MLLT1: variants seen among roughly 807,000 people sequenced by gnomAD.
The protein encoded by MLLT1 is protein ENL.
In MLLT1, 11 loss-of-function variants were observed where a neutral mutation model predicts 55.1. That is an observed-to-expected ratio of 0.20 (90% CI 0.13 to 0.33). The LOEUF is 0.33. Among genes scored for constraint, MLLT1 ranks in the 10% least tolerant of loss-of-function variants. MLLT1 has a pLI of 1.00. For missense variants in MLLT1, 536 were observed against 760.6 expected, an observed-to-expected ratio of 0.70 and a Z score of 3.47; for synonymous variants, 323 against 320.1, an observed-to-expected ratio of 1.01 and a Z score of -0.10.
intron 2 of MLLT1, among the ~76,000 whole-genome samples, chr19:6,265,049 C>CAAAAACAA (rs1568296295): frequency 1.3e-4 from 3 of 23,300 alleles, no homozygotes; most frequent in Non-Finnish European, 2.3e-4. Context: ...AAAAAAAAAA[C>CAAAAACAA]AAAAAAACAA....
chr19:6,268,391 G>A (rs2144955350), intron 2 of MLLT1, among the ~76,000 whole-genome samples: 1 of 137,912 alleles, frequency 7.3e-6, no homozygotes, highest in East Asian at 1.9e-4. Flanking sequence ...AAAAAATCAA[G>A]AAATAAGAAG....
At chr19:6,264,890 G>GT (rs1306995256) in intron 2 of MLLT1, among the ~76,000 whole-genome samples, 5 of 60,250 alleles carry the variant, frequency 8.3e-5, no homozygotes, top group South Asian at 6.2e-4. Flanking sequence ...GCGAAACTCT[G>GT]TTAAAAAAAA....
At chr19:6,250,066 G>C (rs1004515457) in intron 3 of MLLT1, among the ~76,000 whole-genome samples, 2 of 151,792 alleles carry the variant, frequency 1.3e-5, no homozygotes, top group South Asian at 4.2e-4. Flanking sequence ...AACTCAAAAA[G>C]AAAAACAACC....
rs750631807 is a variant in MLLT1, at chr19:6,213,759, A to G, written c.1446T>C (p.Pro482=). The change falls in exon 10 of 12, where the codon CCT becomes CCC. Residue 482 remains proline (P), a synonymous_variant. Transcript: ENST00000252674. ...AGGTGCCCTTCTTGAGGATCTTCTCAGGCTTGCTGCAGGACTCGGGGCTCC... is the reference window on the plus strand; with the variant it reads ...AGGTGCCCTTCTTGAGGATCTTCTCGGGCTTGCTGCAGGACTCGGGGCTCC... ...GRRSPESCSK[P]EKILKKGTYD... 1 of 1,604,496 alleles carries G rather than the reference A, an allele frequency of 6.2e-7. No individual in the cohort carries two copies. Among genetic ancestry groups the G allele is most frequent in the Non-Finnish European group, 8.5e-7 (1 of 1,178,924 alleles).
At chr19:6,244,685 G>A (rs1433244788) in intron 3 of MLLT1, among the ~76,000 whole-genome samples, 1 of 152,118 alleles carries the variant, frequency 6.6e-6, no homozygotes, top group Admixed American at 6.5e-5. Flanking sequence ...ACCAAGTACA[G>A]GACTTGTATC....
intron 2 of MLLT1, among the ~76,000 whole-genome samples, chr19:6,266,479 CAG>C (rs1410516083): frequency 1.3e-5 from 2 of 152,050 alleles, no homozygotes; most frequent in African/African-American, 2.4e-5. Flanking sequence ...TTTTTTGAGA[CAG>C]AGTTTCTCTC....
At position 6,231,170 on chromosome 19, in the gene MLLT1, A is replaced by G. The variant is rs2091006174; in HGVS notation, c.277-457T>C. 6.6e-6 allele frequency among the ~76,000 whole-genome samples: 1 copy of G among 151,916 alleles called. No homozygotes were observed. The highest frequency in any genetic ancestry group is 1.5e-5 in the Non-Finnish European group (1 of 67,966). ...ACGCAGGACACAGGACACAGACTCA[A>G]ACGACAGCACAGCACCCAGAGGGGG... On this transcript the variant is annotated intron_variant, in intron 3 of 11. Transcript: ENST00000252674. The surrounding 1 kb of genome is among the most constrained non-coding windows in gnomAD (Gnocchi z 5.1).
Position 6,270,970 on chromosome 19 carries a change from T to C in MLLT1, c.13-211A>G, listed in dbSNP as rs1455970697. The stretch of plus-strand genomic sequence containing the variant: ...CCTCCGTACTCCCACACAGACCCCG[T>C]GTCTCCTCTCATCCACCGCCTCATC... On this transcript the variant is annotated intron_variant, in intron 1 of 11. Transcript: ENST00000252674. This position sits in a 1 kb window ranked among gnomAD's most constrained non-coding sequence, Gnocchi z 7.1. Among the ~76,000 whole-genome samples the C allele has an allele frequency of 1.3e-5, 2 of 152,016 alleles. No individual in the cohort carries two copies. The highest frequency in any genetic ancestry group is 2.9e-5 in the Non-Finnish European group (2 of 68,006).
At chr19:6,268,540 G>A (rs1568297665) in intron 2 of MLLT1, among the ~76,000 whole-genome samples, 1 of 152,224 alleles carries the variant, frequency 6.6e-6, no homozygotes, top group Non-Finnish European at 1.5e-5. Context: ...GTAAGCTGGG[G>A]CGGAAGTAAA....
At chr19:6,213,440 TG>T in intron 10 of MLLT1, 32 bp from the exon 11 acceptor site, 4 of 1,543,578 alleles carry the variant, frequency 2.6e-6, no homozygotes, top group Non-Finnish European at 8.9e-7. Flanking sequence ...CAGCAGCGTG[TG>T]GGGGCCCTGG....
intron 3 of MLLT1, among the ~76,000 whole-genome samples, chr19:6,242,088 G>A (rs2091119178): frequency 6.6e-6 from 1 of 152,190 alleles, no homozygotes; most frequent in South Asian, 2.1e-4. Context: ...AGACAATGGG[G>A]GCTCAGAGGG....
intron 5 of MLLT1, among the ~76,000 whole-genome samples, chr19:6,223,286 T>G (rs1210029052): frequency 1.3e-5 from 2 of 152,182 alleles, no homozygotes; most frequent in African/African-American, 4.8e-5. Flanking sequence ...ACTGGGTCCC[T>G]GGGTCCCAGG....
At chr19:6,257,966 T>C (rs2091272815) in intron 3 of MLLT1, among the ~76,000 whole-genome samples, 1 of 152,210 alleles carries the variant, frequency 6.6e-6, no homozygotes, top group Non-Finnish European at 1.5e-5. Context: ...AGGATGGCTA[T>C]AATTTTTAAG....
intron 3 of MLLT1, among the ~76,000 whole-genome samples, chr19:6,236,658 C>T (rs765989000): frequency 5.9e-5 from 9 of 152,166 alleles, no homozygotes; most frequent in Non-Finnish European, 1.2e-4. Flanking sequence ...AATGACTAAA[C>T]GGCATGCCCT....
chr19:6,275,658 AG>A (rs1393522644), intron 1 of MLLT1, among the ~76,000 whole-genome samples: 2 of 152,126 alleles, frequency 1.3e-5, no homozygotes, highest in East Asian at 3.9e-4. Flanking sequence ...CACTGGGGCT[AG>A]GGGCCAGCAC....
At chr19:6,252,829 T>C (rs1399837764) in intron 3 of MLLT1, among the ~76,000 whole-genome samples, 1 of 151,892 alleles carries the variant, frequency 6.6e-6, no homozygotes, top group Non-Finnish European at 1.5e-5. Context: ...AAAAAGAACA[T>C]AAATAACCCA....
intron 3 of MLLT1, among the ~76,000 whole-genome samples, chr19:6,248,239 T>C (rs1458015123): frequency 6.6e-6 from 1 of 152,214 alleles, no homozygotes; most frequent in Non-Finnish European, 1.5e-5. Context: ...GGATACTCCA[T>C]CTGTATTTTT....
intron 3 of MLLT1, among the ~76,000 whole-genome samples, chr19:6,258,932 T>C (rs989778201): frequency 3.3e-5 from 5 of 152,180 alleles, no homozygotes; most frequent in African/African-American, 1.2e-4. Context: ...AAATGCCTAC[T>C]ATGTGCCACG....
intron 2 of MLLT1, among the ~76,000 whole-genome samples, chr19:6,265,304 G>C (rs1428600179): frequency 6.6e-6 from 1 of 152,130 alleles, no homozygotes; most frequent in Admixed American, 6.5e-5. Context: ...CATTCCTCTG[G>C]TTCAGCATCC....
Sources: allele counts gnomAD v4.1 joint callset (sites outside exome capture counted in the v4.1 genomes callset), GRCh38; gene constraint gnomAD v4.1.1; non-coding constraint Gnocchi (gnomAD v3.1); transcripts MANE v1.5; gene names NCBI Gene and HGNC (gene_info 2026-07-23, HGNC 2026-07-21).